GRID2: variants seen among roughly 807,000 people sequenced by gnomAD.
GRID2 encodes glutamate ionotropic receptor delta type subunit 2.
A neutral mutation model predicts 114.8 loss-of-function variants in GRID2; 33 were observed. The observed-to-expected ratio is 0.29, with a 90% confidence interval of 0.22 to 0.38. The LOEUF (loss-of-function observed/expected upper bound fraction) is 0.38. Ranked by LOEUF, GRID2 falls within the 10% of genes least tolerant of loss-of-function variation. The probability of loss-of-function intolerance (pLI) is 1.00; values close to 1 mark genes in which losing one functional copy is unlikely to be tolerated. For synonymous variants in GRID2, 505 were observed against 449.9 expected (o/e 1.12, Z -1.55); for missense variants, 1,184 against 1,257.7 (o/e 0.94, Z 0.89).
At chr4:92,989,833 A>G (rs1291783701) in intron 2 of GRID2, among the ~76,000 whole-genome samples, 4 of 152,166 alleles carry the variant, frequency 2.6e-5, no homozygotes, top group African/African-American at 9.7e-5. Context: ...GAATGTTTTG[A>G]AAATTGAGCT....
chr4:92,800,160 G>T (rs564212319), intron 2 of GRID2, among the ~76,000 whole-genome samples: 1 of 151,678 alleles, frequency 6.6e-6, no homozygotes, highest in Admixed American at 6.6e-5. Flanking sequence ...TTTATTTAAC[G>T]TGAGTCAGTT....
At chr4:93,212,821 G>A (rs1308570424) in intron 5 of GRID2, among the ~76,000 whole-genome samples, 2 of 150,766 alleles carry the variant, frequency 1.3e-5, no homozygotes, top group Non-Finnish European at 2.9e-5. Flanking sequence ...CACCCAGACT[G>A]GAGTACAATG....
At chr4:93,080,909 G>C (rs1221231055) in intron 2 of GRID2, among the ~76,000 whole-genome samples, 1 of 152,156 alleles carries the variant, frequency 6.6e-6, no homozygotes, top group Admixed American at 6.6e-5. Context: ...TCATCCTATG[G>C]AGGAAGGGCA....
intron 2 of GRID2, among the ~76,000 whole-genome samples, chr4:92,791,526 T>A (rs1469745932): frequency 1.3e-5 from 2 of 151,904 alleles, no homozygotes; most frequent in Non-Finnish European, 2.9e-5. Flanking sequence ...TAAAGAATTA[T>A]ACAGTGCTAA....
chr4:93,606,177 G>A (rs1489192828), intron 13 of GRID2, among the ~76,000 whole-genome samples: 1 of 152,108 alleles, frequency 6.6e-6, no homozygotes, highest in African/African-American at 2.4e-5. Context: ...TGAGGCTGGA[G>A]AATCACTTTT....
chr4:93,412,781 G>A (rs911207646), intron 9 of GRID2, among the ~76,000 whole-genome samples: 8 of 151,992 alleles, frequency 5.3e-5, no homozygotes, highest in Admixed American at 1.3e-4. Flanking sequence ...AGTGTGTGAT[G>A]TTCCCCTCCC....
chr4:92,605,563 A>G (rs1398360737), intron 2 of GRID2, among the ~76,000 whole-genome samples: 1 of 152,098 alleles, frequency 6.6e-6, no homozygotes, highest in Non-Finnish European at 1.5e-5. Context: ...CATTTTTTAT[A>G]AGATGATGAT....
chr4:92,437,505 G>A (rs563335572), intron 1 of GRID2, among the ~76,000 whole-genome samples: 31 of 152,334 alleles, frequency 2.0e-4, no homozygotes, highest in South Asian at 1.2e-3. Context: ...CTGGCCTCAA[G>A]TGATCTGCCT....
chr4:92,557,788 G>A (rs1284547647), intron 1 of GRID2, among the ~76,000 whole-genome samples: 1 of 151,930 alleles, frequency 6.6e-6, no homozygotes, highest in Non-Finnish European at 1.5e-5. Flanking sequence ...TAACTAAACT[G>A]AAACACAAAG....
chr4:93,648,346 G>A (rs1238745140), intron 14 of GRID2, among the ~76,000 whole-genome samples: 2 of 152,226 alleles, frequency 1.3e-5, no homozygotes, highest in Middle Eastern at 3.4e-3. Flanking sequence ...GAGAAACTAT[G>A]TGCAGAGAAA....
intron 2 of GRID2, among the ~76,000 whole-genome samples, chr4:92,940,099 G>A (rs1750991101): frequency 6.8e-6 from 1 of 147,036 alleles, no homozygotes; most frequent in Non-Finnish European, 1.5e-5. Flanking sequence ...CCAATTCTGT[G>A]AAGAAAGTCA....
intron 6 of GRID2, among the ~76,000 whole-genome samples, chr4:93,220,250 A>G (rs1269924360): frequency 6.6e-6 from 1 of 151,880 alleles, no homozygotes; most frequent in Non-Finnish European, 1.5e-5. Context: ...ATATATATAT[A>G]TATTTTTTTA....
At chr4:92,651,958 G>C (rs1731954978) in intron 2 of GRID2, among the ~76,000 whole-genome samples, 1 of 152,118 alleles carries the variant, frequency 6.6e-6, no homozygotes, top group Non-Finnish European at 1.5e-5. Flanking sequence ...TAGAGGTGCA[G>C]GCTGGGAAAA....
chr4:93,047,011 T>C (rs1454021370), intron 2 of GRID2, among the ~76,000 whole-genome samples: 1 of 151,926 alleles, frequency 6.6e-6, no homozygotes, highest in Non-Finnish European at 1.5e-5. Context: ...TATGGACACT[T>C]AATATGATAA....
chr4:92,577,644 T>C (rs1727960761), intron 1 of GRID2, among the ~76,000 whole-genome samples: 1 of 152,066 alleles, frequency 6.6e-6, no homozygotes, highest in South Asian at 2.1e-4. Flanking sequence ...ACTTGGTATG[T>C]GAAAAAATAA....
chr4:92,773,324 T>G (rs75149205), intron 2 of GRID2, among the ~76,000 whole-genome samples: 3,506 of 152,298 alleles, frequency 0.023, 99 homozygotes, highest in East Asian at 0.12. Context: ...TAGGTTCTAG[T>G]TCCCTAAAAT....
At chr4:92,769,335 C>G (rs1416131218) in intron 2 of GRID2, among the ~76,000 whole-genome samples, 1 of 152,182 alleles carries the variant, frequency 6.6e-6, no homozygotes, top group African/African-American at 2.4e-5. Flanking sequence ...CAGGGCACAG[C>G]CTCCCTCTCA....
intron 2 of GRID2, among the ~76,000 whole-genome samples, chr4:92,942,281 A>T (rs1441981894): frequency 6.6e-6 from 1 of 151,724 alleles, no homozygotes; most frequent in East Asian, 1.9e-4. Context: ...TATTTAGGAT[A>T]GTTAGCTCTT....
chr4:92,651,837 C>T (rs959666880), intron 2 of GRID2, among the ~76,000 whole-genome samples: 2 of 152,148 alleles, frequency 1.3e-5, no homozygotes, highest in East Asian at 1.9e-4. Context: ...GGTTGTAGTA[C>T]TGCAGCTGTC....
Sources: gnomAD v4.1 joint callset for allele counts (sites outside exome capture counted in the v4.1 genomes callset) on GRCh38, gnomAD v4.1.1 for gene constraint, MANE v1.5 for transcripts, NCBI Gene and HGNC (gene_info 2026-07-23, HGNC 2026-07-21) for gene names.